WWC1: variants seen among roughly 807,000 people sequenced by gnomAD.
The protein encoded by WWC1 is WW and C2 domain containing 1, also known as protein KIBRA.
A neutral mutation model predicts 138.4 loss-of-function variants in WWC1; 55 were observed. The observed-to-expected ratio is 0.40, with a 90% CI of 0.32 to 0.50. The LOEUF is 0.50. Ranked by LOEUF, WWC1 falls within the 20% of genes least tolerant of loss-of-function variation. The pLI is 0.72. For missense variants in WWC1, 1,226 were observed against 1,420.4 expected, an observed-to-expected ratio of 0.86 and a Z score of 2.20; for synonymous variants, 524 against 564.9, an observed-to-expected ratio of 0.93 and a Z score of 1.03.
intron 1 of WWC1, among the ~76,000 whole-genome samples, chr5:168,342,027 A>G (rs1774075780): frequency 6.6e-6 from 1 of 152,186 alleles, no homozygotes; most frequent in East Asian, 1.9e-4. Flanking sequence ...AGCATGTGTA[A>G]TGGGAGGAAA....
rs1025486190 is a variant in WWC1 at position 168,422,518 on chromosome 5, G to T, written c.1274+421G>T. On this transcript the variant is annotated intron_variant, in intron 10 of 22. Transcript: ENST00000265293. ...TGTGGTCCCAGCTACTCAGGAGGCTGAGGTGGGAGGATGACTTGAGCCCGG... is the reference window on the plus strand; with the variant it reads ...TGTGGTCCCAGCTACTCAGGAGGCTTAGGTGGGAGGATGACTTGAGCCCGG... Among the ~76,000 whole-genome samples the T allele has an allele frequency of 2.0e-5, 3 of 152,316 alleles. No homozygotes were observed. The East Asian group carries it at 5.8e-4, about 29-fold the overall frequency.
chr5:168,431,683 G>A (rs1188383721), intron 15 of WWC1, among the ~76,000 whole-genome samples: 1 of 152,202 alleles, frequency 6.6e-6, no homozygotes, highest in Non-Finnish European at 1.5e-5. Context: ...ACAAGAGGAA[G>A]AGTAATGGAC....
chr5:168,448,368 A>G (rs1487986192), intron 17 of WWC1, among the ~76,000 whole-genome samples: 1 of 152,104 alleles, frequency 6.6e-6, no homozygotes, highest in Non-Finnish European at 1.5e-5. Context: ...TTGTTTTTAT[A>G]TGTCTTTAAA....
At chr5:168,461,347 G>T (rs1257130121) in intron 20 of WWC1, among the ~76,000 whole-genome samples, 2 of 152,020 alleles carry the variant, frequency 1.3e-5, no homozygotes, top group Non-Finnish European at 2.9e-5. Flanking sequence ...AAAAAAAGAA[G>T]AATTAACCAA....
At chr5:168,455,612 T>G in intron 19 of WWC1, 92 bp downstream of exon 19, 1 of 1,517,518 alleles carries the variant, frequency 6.6e-7, no homozygotes, top group South Asian at 1.3e-5. Flanking sequence ...CTCATGTTAT[T>G]GGGTGACTTC....
chr5:168,327,889 T>G (rs1458746044), intron 1 of WWC1, among the ~76,000 whole-genome samples: 2 of 152,174 alleles, frequency 1.3e-5, no homozygotes, highest in South Asian at 4.1e-4. Flanking sequence ...TTACCAAAAT[T>G]TGTTGCATTC....
intron 1 of WWC1, among the ~76,000 whole-genome samples, chr5:168,330,639 A>G (rs1581938009): frequency 6.6e-6 from 1 of 152,226 alleles, no homozygotes; most frequent in East Asian, 1.9e-4. Context: ...CCCATCCTAC[A>G]TGCACTCATT....
chr5:168,353,330 C>T (rs1309781193), intron 1 of WWC1, among the ~76,000 whole-genome samples: 44 of 152,238 alleles, frequency 2.9e-4, no homozygotes, highest in Admixed American at 2.8e-3. Flanking sequence ...GACTTTTCTT[C>T]CAGTCTCATG....
At chr5:168,461,750 G>A (rs1253531198) in intron 20 of WWC1, among the ~76,000 whole-genome samples, 1 of 152,132 alleles carries the variant, frequency 6.6e-6, no homozygotes, top group Non-Finnish European at 1.5e-5. Context: ...GAAGAAACCA[G>A]GAGCCAGAAT....
At chr5:168,348,327 C>G (rs1191440844) in intron 1 of WWC1, among the ~76,000 whole-genome samples, 2 of 152,220 alleles carry the variant, frequency 1.3e-5, no homozygotes, top group Non-Finnish European at 2.9e-5. Flanking sequence ...CTCACCCTCT[C>G]TACTGTTTTC....
At chr5:168,468,668 A>C (rs1757500011) in intron 22 of WWC1, among the ~76,000 whole-genome samples, 2 of 152,222 alleles carry the variant, frequency 1.3e-5, no homozygotes, top group South Asian at 2.1e-4. Flanking sequence ...ATTTGAACTA[A>C]GAGTCATCGT....
chr5:168,365,608 G>C (rs892344320), intron 1 of WWC1, among the ~76,000 whole-genome samples: 3 of 152,158 alleles, frequency 2.0e-5, no homozygotes, highest in Admixed American at 1.3e-4. Context: ...GTAACTACCA[G>C]TTACCCACTG....
intron 3 of WWC1, among the ~76,000 whole-genome samples, chr5:168,395,853 A>C (rs1778860287): frequency 6.6e-6 from 1 of 152,254 alleles, no homozygotes; most frequent in Non-Finnish European, 1.5e-5. Context: ...TTATGTTATT[A>C]TGCAGAGCAG....
At chr5:168,452,470 C>A (rs1048827090) in intron 17 of WWC1, among the ~76,000 whole-genome samples, 6 of 152,166 alleles carry the variant, frequency 3.9e-5, no homozygotes, top group Non-Finnish European at 8.8e-5. Context: ...TGTGTGAGCA[C>A]GCTGCAAGAA....
Position 168,423,620 on chromosome 5 carries a change from G to A in WWC1, c.1362G>A (p.Leu454=), listed in dbSNP as rs746619196. 6.2e-7 allele frequency: 1 copy of A among 1,614,114 alleles called. No individual in the cohort carries two copies. The highest frequency in any genetic ancestry group is 8.5e-7 in the Non-Finnish European group (1 of 1,180,036). The change falls in exon 11 of 23, where the codon CTG becomes CTA. Residue 454 remains leucine (L), a synonymous_variant. Coordinates refer to ENST00000265293, the MANE Select transcript of WWC1 (RefSeq NM_015238.3). ...GGGGCTCCCTGGTTGCATCCAGCCT[G>A]GACTCCTCCACTTCAGCCAGCTTCA... ...SSRGSLVASS[L]DSSTSASFTD... is the part of the protein sequence containing the mutation.
intron 2 of WWC1, among the ~76,000 whole-genome samples, chr5:168,380,632 G>A (rs996209521): frequency 9.2e-5 from 14 of 152,192 alleles, no homozygotes; most frequent in Admixed American, 5.9e-4. Flanking sequence ...TATGAAATTC[G>A]ACATATACTT....
In WWC1 at chr5:168,406,224, A is replaced by G. The variant is rs1377095372; in HGVS notation, c.617A>G (p.Gln206Arg). 6.2e-7 allele frequency: 1 copy of G among 1,613,954 alleles called. No individual in the cohort carries two copies. Among genetic ancestry groups the G allele is most frequent in the Non-Finnish European group, 8.5e-7 (1 of 1,179,928 alleles). ...KKIDKKMSDAQGSYKLDEAQA... is the reference protein window; with the variant it reads ...KKIDKKMSDARGSYKLDEAQA... ...ATCGATAAGAAAATGTCTGATGCTC[A>G]GGGCAGCTACAAACTGGATGAAGCT... The change falls in exon 6 of 23, where the codon CAG (glutamine) becomes CGG (arginine). Residue 206 changes from glutamine (Q) to arginine (R), a missense_variant. Physicochemically the swap from Gln to Arg is conservative, Grantham distance 43. This residue lies in a region of WWC1 where 1,016 missense variants were observed against 1,153.9 expected (regional missense o/e 0.88). Coordinates refer to ENST00000265293, the MANE Select transcript of WWC1 (RefSeq NM_015238.3).
At chr5:168,326,456 A>T (rs1373831411) in intron 1 of WWC1, among the ~76,000 whole-genome samples, 1 of 151,800 alleles carries the variant, frequency 6.6e-6, no homozygotes, top group African/African-American at 2.4e-5. Context: ...ACCTCAGGTG[A>T]TCCGCCCGCC....
At position 168,455,444 on chromosome 5, in the gene WWC1, G is replaced by A; in HGVS notation, c.2747G>A (p.Gly916Glu). Residue 916 changes from glycine (G) to glutamate (E), a missense_variant, in exon 19 of 23, where the codon GGG becomes GAG. Coordinates refer to ENST00000265293, the MANE Select transcript of WWC1 (RefSeq NM_015238.3). ...CGGAGAGTGGGCACCCCGTCCCAGG[G>A]GCCATTTCTTCGAGGGAGCACCATC... ...KDRRVGTPSQ[G>E]PFLRGSTIIR... The A allele has an allele frequency of 6.2e-7, 1 of 1,612,576 alleles. No individual in the cohort carries two copies. The highest frequency in any genetic ancestry group is 1.1e-5 in the South Asian group (1 of 90,662).
Sources: gnomAD v4.1 joint callset for allele counts (sites outside exome capture counted in the v4.1 genomes callset) on GRCh38, gnomAD v4.1.1 for gene constraint, gnomAD v4.1.1 regional missense constraint, MANE v1.5 for transcripts, NCBI Gene and HGNC (gene_info 2026-07-23, HGNC 2026-07-21) for gene names.